The following C16orf78 variants were observed in gnomAD, a reference collection of about 807,000 sequenced individuals.
The protein encoded by C16orf78 is uncharacterized protein C16orf78.
C16orf78 carries 19 observed loss-of-function variants against 27.3 expected under a neutral mutation model. The ratio of observed to expected loss-of-function variants is 0.70; its 90% CI spans 0.49 to 1.02. The LOEUF (loss-of-function observed/expected upper bound fraction) is 1.02, where lower values mean the gene tolerates loss of function less well. Among genes scored for constraint, C16orf78 ranks in the 50% least tolerant of loss-of-function variants. The pLI is 0.00. For synonymous variants in C16orf78, 130 were observed against 116.1 expected (o/e 1.12, Z -0.77); for missense variants, 339 against 337.0 (o/e 1.01, Z -0.05).
At chr16:49,392,760 G>A (rs141917113) in intron 3 of C16orf78, among the ~76,000 whole-genome samples, 40 of 152,238 alleles carry the variant, frequency 2.6e-4, no homozygotes, top group East Asian at 1.2e-3. Context: ...ATTCTGTGTC[G>A]CTGATGCCTG....
chr16:49,389,770 A>G (rs552132736), intron 3 of C16orf78, among the ~76,000 whole-genome samples: 1 of 152,228 alleles, frequency 6.6e-6, no homozygotes, highest in Non-Finnish European at 1.5e-5. Flanking sequence ...TTTCCATATT[A>G]TAAACCCCGC....
chr16:49,377,857 C>A lies in C16orf78; in HGVS notation c.270+7C>A. 1 of 1,564,704 alleles carries A rather than the reference C, an allele frequency of 6.4e-7. No individual in the cohort carries two copies. ...CACGGAGACTTCCCAGCAGGTAATG[C>A]AGCCCCTCTTCCCCCACTCACCCCC... On this transcript the variant is annotated splice_region_variant and intron_variant, in intron 2 of 4. Transcript: ENST00000299191.
intron 3 of C16orf78, among the ~76,000 whole-genome samples, chr16:49,392,229 T>G (rs564499248): frequency 5.3e-5 from 8 of 152,338 alleles, no homozygotes; most frequent in Non-Finnish European, 1.0e-4. Flanking sequence ...CACATATGCA[T>G]TACTAAGAGT....
At chr16:49,393,263 T>G (rs767818148) in intron 3 of C16orf78, among the ~76,000 whole-genome samples, 2 of 152,062 alleles carry the variant, frequency 1.3e-5, no homozygotes, top group African/African-American at 4.8e-5. Context: ...AAATAGAAGA[T>G]CATATAGACA....
chr16:49,378,434 T>C, intron 2 of C16orf78, 36 bp from the exon 3 acceptor site: 1 of 1,547,226 alleles, frequency 6.5e-7, no homozygotes, highest in Non-Finnish European at 8.7e-7. Context: ...CCAGGTCCTG[T>C]AACTGGGGTG....
chr16:49,377,778 G>A lies in C16orf78; in HGVS notation c.198G>A (p.Lys66=). The A allele has an allele frequency of 6.2e-7, 1 of 1,600,086 alleles. No individual in the cohort carries two copies. Among genetic ancestry groups the A allele is most frequent in the South Asian group, 1.1e-5 (1 of 88,174 alleles). ...VVTVLKRNKK[K]EEKKGKGLMT... is the part of the protein sequence containing the mutation. The stretch of plus-strand genomic sequence containing the variant: ...CAGTCCTTAAACGAAATAAGAAGAA[G>A]GAAGAGAAGAAAGGCAAAGGCCTCA... Residue 66 remains lysine, a synonymous_variant, in exon 2 of 5, where the codon AAG becomes AAA. Coordinates refer to ENST00000299191, the MANE Select transcript of C16orf78 (RefSeq NM_144602.4).
chr16:49,391,691 T>C (rs1189014621), intron 3 of C16orf78, among the ~76,000 whole-genome samples: 1 of 152,236 alleles, frequency 6.6e-6, no homozygotes, highest in Non-Finnish European at 1.5e-5. Flanking sequence ...CTGCCTGGTA[T>C]GTGAGTCACT....
chr16:49,378,166 T>C (rs937063842), intron 2 of C16orf78, among the ~76,000 whole-genome samples: 3 of 152,150 alleles, frequency 2.0e-5, no homozygotes, highest in Non-Finnish European at 4.4e-5. Context: ...GACAAGAGCC[T>C]CCTGGCCACA....
intron 3 of C16orf78, among the ~76,000 whole-genome samples, chr16:49,390,366 A>G (rs974444153): frequency 6.6e-6 from 1 of 152,134 alleles, no homozygotes. Flanking sequence ...CTGATTACAC[A>G]TATTTAGAGT....
chr16:49,390,695 G>C (rs987733266), intron 3 of C16orf78, among the ~76,000 whole-genome samples: 2 of 152,042 alleles, frequency 1.3e-5, no homozygotes, highest in African/African-American at 4.8e-5. Flanking sequence ...TTTCTTTTCC[G>C]GCTTGTGCCG....
chr16:49,381,588 C>T (rs1480244454), intron 3 of C16orf78, among the ~76,000 whole-genome samples: 8 of 151,864 alleles, frequency 5.3e-5, no homozygotes, highest in African/African-American at 1.9e-4. Flanking sequence ...ACAACCCCAT[C>T]AAAAAGTGGG....
In C16orf78 at chr16:49,389,559, G is replaced by A. The variant is rs566883194; in HGVS notation, c.395-6864G>A. Among the ~76,000 whole-genome samples the A allele has an allele frequency of 2.1e-4, 32 of 152,258 alleles. 1 individual carries two copies. Among genetic ancestry groups the A allele is most frequent in the Middle Eastern group, 3.4e-3 (1 of 294 alleles). Reference sequence around the variant, plus strand: ...TGCAGTGAGCCAAGATTGCACCACCGCACTCCAGCCTGGGTGACAGGGCGA... The same window carrying A: ...TGCAGTGAGCCAAGATTGCACCACCACACTCCAGCCTGGGTGACAGGGCGA... On this transcript the variant is annotated intron_variant, in intron 3 of 4. Coordinates refer to ENST00000299191, the MANE Select transcript of C16orf78 (RefSeq NM_144602.4).
intron 3 of C16orf78, among the ~76,000 whole-genome samples, chr16:49,391,464 A>G (rs1301072183): frequency 6.6e-6 from 1 of 152,184 alleles, no homozygotes; most frequent in Non-Finnish European, 1.5e-5. Flanking sequence ...CCACAAACCC[A>G]GGAATGTGGG....
chr16:49,384,387 G>A (rs1965322409), intron 3 of C16orf78, among the ~76,000 whole-genome samples: 2 of 133,770 alleles, frequency 1.5e-5, no homozygotes, highest in South Asian at 4.4e-4. Context: ...CTAATTCCTG[G>A]AGCTGAAGAA....
At chr16:49,391,536 C>T (rs1436449321) in intron 3 of C16orf78, among the ~76,000 whole-genome samples, 1 of 152,134 alleles carries the variant, frequency 6.6e-6, no homozygotes, top group Non-Finnish European at 1.5e-5. Context: ...ACAATGTGGG[C>T]TCATGTCCTC....
rs752532359 is a variant in C16orf78, at chr16:49,396,622, C to G, written c.594C>G (p.Thr198=). Residue 198 remains threonine (T), a synonymous_variant, in exon 4 of 5, where the codon ACC becomes ACG. Transcript: ENST00000299191. The part of the protein sequence containing the change: ...RKLKSLMEKS[T]EPKMETMRML... ...TAAAGAGCCTCATGGAGAAAAGCAC[C>G]GAACCTAAGATGGAAACCATGAGGA... The G allele has an allele frequency of 1.2e-6, 2 of 1,613,432 alleles. No homozygotes were observed. The highest frequency in any genetic ancestry group is 2.2e-5 in the East Asian group (1 of 44,880).
chr16:49,377,807 C>G lies in C16orf78; in HGVS notation c.227C>G (p.Thr76Arg). The change falls in exon 2 of 5, where the codon ACA (threonine) becomes AGA (arginine). Residue 76 changes from threonine (T) to arginine (R), a missense_variant. Coordinates refer to ENST00000299191, the MANE Select transcript of C16orf78 (RefSeq NM_144602.4). ...GAGAAGAAAGGCAAAGGCCTCATGA[C>G]AGCACGGGGAGGGAACCGCAGGGAC... ...KEEKKGKGLM[T>R]ARGGNRRDTE... The G allele has an allele frequency of 6.3e-7, 1 of 1,590,950 alleles. No individual in the cohort carries two copies. Among genetic ancestry groups the G allele is most frequent in the African/African-American group, 1.3e-5 (1 of 74,810 alleles).
intron 3 of C16orf78, among the ~76,000 whole-genome samples, chr16:49,380,262 G>T (rs1355171847): frequency 6.6e-6 from 1 of 152,176 alleles, no homozygotes; most frequent in Non-Finnish European, 1.5e-5. Context: ...GTGATCATGT[G>T]AGTCAATACT....
intron 1 of C16orf78, among the ~76,000 whole-genome samples, chr16:49,375,167 C>T (rs554942514): frequency 6.6e-6 from 1 of 152,110 alleles, no homozygotes; most frequent in African/African-American, 2.4e-5. Context: ...AGAGCCAGGG[C>T]TCAAACTGAG....
Sources: gnomAD v4.1 joint callset for allele counts (sites outside exome capture counted in the v4.1 genomes callset) on GRCh38, gnomAD v4.1.1 for gene constraint, MANE v1.5 for transcripts, NCBI Gene and HGNC (gene_info 2026-07-23, HGNC 2026-07-21) for gene names.